Variants in DGKB observed in about 807,000 individuals in gnomAD.
DGKB encodes diacylglycerol kinase beta.
In DGKB, 67 loss-of-function variants were observed where a neutral mutation model predicts 114.3. The observed-to-expected ratio is 0.59, with a 90% CI of 0.48 to 0.72. The LOEUF is 0.72. Ranked by LOEUF, DGKB falls within the 30% of genes least tolerant of loss-of-function variation. DGKB has a pLI of 0.00. For missense variants in DGKB, 907 were observed against 975.2 expected, an observed-to-expected ratio of 0.93 and a Z score of 0.93; for synonymous variants, 398 against 323.1, an observed-to-expected ratio of 1.23 and a Z score of -2.49.
chr7:14,271,692 C>T (rs1798288140), intron 23 of DGKB, among the ~76,000 whole-genome samples: 1 of 151,992 alleles, frequency 6.6e-6, no homozygotes, highest in African/African-American at 2.4e-5. Flanking sequence ...GAGAGCACTA[C>T]AAAAAAGGTA....
At chr7:14,695,038 T>C (rs908034321) in intron 8 of DGKB, among the ~76,000 whole-genome samples, 1 of 152,016 alleles carries the variant, frequency 6.6e-6, no homozygotes, top group Non-Finnish European at 1.5e-5. Context: ...AAAATGTTAA[T>C]CAATTTGGAA....
At chr7:14,527,365 A>G (rs1240938873) in intron 20 of DGKB, among the ~76,000 whole-genome samples, 1 of 152,120 alleles carries the variant, frequency 6.6e-6, no homozygotes, top group Non-Finnish European at 1.5e-5. Context: ...GAAAACTTAT[A>G]TTGAGCTTTC....
chr7:14,792,440 A>T (rs927759755), intron 2 of DGKB, among the ~76,000 whole-genome samples: 1 of 152,170 alleles, frequency 6.6e-6, no homozygotes, highest in Non-Finnish European at 1.5e-5. Flanking sequence ...GCCTGGGACT[A>T]GGCAAGTCTC....
intron 1 of DGKB, among the ~76,000 whole-genome samples, chr7:14,897,219 G>C (rs1782246305): frequency 6.6e-6 from 1 of 151,804 alleles, no homozygotes; most frequent in African/African-American, 2.4e-5. Context: ...TACAATATTT[G>C]AATACTAAAT....
At chr7:14,322,269 T>C (rs6955394) in intron 23 of DGKB, among the ~76,000 whole-genome samples, 64,116 of 151,896 alleles carry the variant, frequency 0.42, 14,169 homozygotes, top group South Asian at 0.58. Context: ...GCTTAAAATA[T>C]CTACTATCTG....
intron 23 of DGKB, among the ~76,000 whole-genome samples, chr7:14,187,457 A>G (rs1003349446): frequency 2.0e-5 from 3 of 152,218 alleles, no homozygotes; most frequent in Non-Finnish European, 2.9e-5. Context: ...TTGGTCCAAC[A>G]GCTGGTCCAG....
At chr7:14,802,262 G>A (rs1043939176) in intron 2 of DGKB, among the ~76,000 whole-genome samples, 1 of 151,992 alleles carries the variant, frequency 6.6e-6, no homozygotes, top group African/African-American at 2.4e-5. Flanking sequence ...TTTTTAAGTA[G>A]TAGTTATGTC....
chr7:14,360,528 G>A (rs1188731587), intron 21 of DGKB, among the ~76,000 whole-genome samples: 2 of 151,812 alleles, frequency 1.3e-5, no homozygotes, highest in Non-Finnish European at 2.9e-5. Flanking sequence ...CACCTACTAA[G>A]TTTCAGGGAA....
At chr7:14,555,440 A>G (rs1437870776) in intron 20 of DGKB, among the ~76,000 whole-genome samples, 2 of 152,118 alleles carry the variant, frequency 1.3e-5, no homozygotes, top group Admixed American at 1.3e-4. Context: ...TGCAAATTAC[A>G]TTGAATCAAA....
At chr7:14,576,569 A>G (rs1799148267) in intron 19 of DGKB, among the ~76,000 whole-genome samples, 1 of 152,062 alleles carries the variant, frequency 6.6e-6, no homozygotes, top group Non-Finnish European at 1.5e-5. Context: ...GTGTGTGTGT[A>G]TGTGTATACA....
intron 20 of DGKB, among the ~76,000 whole-genome samples, chr7:14,548,461 G>C (rs989218211): frequency 1.3e-5 from 2 of 152,186 alleles, no homozygotes; most frequent in African/African-American, 4.8e-5. Flanking sequence ...TTCAAAAATG[G>C]ACAGGAGCTA....
intron 21 of DGKB, among the ~76,000 whole-genome samples, chr7:14,444,735 C>T (rs1315354573): frequency 6.6e-6 from 1 of 151,806 alleles, no homozygotes; most frequent in Non-Finnish European, 1.5e-5. Context: ...ATATGTAATG[C>T]ATGTAAAGCT....
At chr7:14,276,160 A>G (rs1798956894) in intron 23 of DGKB, among the ~76,000 whole-genome samples, 1 of 152,222 alleles carries the variant, frequency 6.6e-6, no homozygotes, top group Non-Finnish European at 1.5e-5. Flanking sequence ...TGCTCTGCTA[A>G]GAATTCAGCC....
chr7:14,682,262 G>A (rs1478007348), intron 12 of DGKB, among the ~76,000 whole-genome samples: 1 of 151,924 alleles, frequency 6.6e-6, no homozygotes, highest in Non-Finnish European at 1.5e-5. Flanking sequence ...TCCTAGCCAT[G>A]GCCTCTGATT....
intron 23 of DGKB, among the ~76,000 whole-genome samples, chr7:14,212,906 A>C (rs966461822): frequency 6.6e-6 from 1 of 152,066 alleles, no homozygotes; most frequent in Non-Finnish European, 1.5e-5. Context: ...AACTTTTAAA[A>C]ACGTAAACAT....
intron 4 of DGKB, among the ~76,000 whole-genome samples, chr7:14,749,223 T>A (rs1833782451): frequency 6.6e-6 from 1 of 152,214 alleles, no homozygotes; most frequent in Non-Finnish European, 1.5e-5. Flanking sequence ...CTTATGCTTA[T>A]CTTGCACTGC....
At chr7:14,884,667 G>A (rs1854749365) in intron 1 of DGKB, among the ~76,000 whole-genome samples, 1 of 151,750 alleles carries the variant, frequency 6.6e-6, no homozygotes, top group African/African-American at 2.4e-5. Context: ...CTCATCTCAG[G>A]CTCTGTAAAT....
chr7:14,171,438 A>G (rs1169405157), intron 25 of DGKB, among the ~76,000 whole-genome samples: 1 of 152,200 alleles, frequency 6.6e-6, no homozygotes, highest in East Asian at 1.9e-4. Flanking sequence ...CTTTTCATAA[A>G]TGTGTCATGA....
At chr7:14,906,170 A>C (rs1053363693), upstream of DGKB, among the ~76,000 whole-genome samples, 2 of 151,862 alleles carry the variant, frequency 1.3e-5, no homozygotes, top group Admixed American at 6.6e-5. Context: ...TCCCCTTTTG[A>C]CTTCTAAATC....
Sources: allele counts gnomAD v4.1 joint callset (sites outside exome capture counted in the v4.1 genomes callset), GRCh38; gene constraint gnomAD v4.1.1; transcripts MANE v1.5; gene names NCBI Gene and HGNC (gene_info 2026-07-23, HGNC 2026-07-21).